Variants in CPEB3 observed in about 807,000 individuals in gnomAD.
CPEB3 encodes the protein cytoplasmic polyadenylation element binding protein 3, also known as cytoplasmic polyadenylation element-binding protein 3.
A neutral mutation model predicts 67.2 loss-of-function variants in CPEB3; 20 were observed. The ratio of observed to expected loss-of-function variants is 0.30; its 90% confidence interval spans 0.21 to 0.43. The LOEUF (loss-of-function observed/expected upper bound fraction) is 0.43, where lower values mean the gene tolerates loss of function less well. Ranked by LOEUF, CPEB3 falls within the 20% of genes least tolerant of loss-of-function variation. The probability of loss-of-function intolerance (pLI) is 1.00; values close to 1 mark genes in which losing one functional copy is unlikely to be tolerated. For synonymous variants in CPEB3, 376 were observed against 393.1 expected, an observed-to-expected ratio of 0.96 and a Z score of 0.51; for missense variants, 746 against 968.6, an observed-to-expected ratio of 0.77 and a Z score of 3.05.
At chr10:92,073,202 T>C (rs548248067) in intron 9 of CPEB3, among the ~76,000 whole-genome samples, 2 of 152,042 alleles carry the variant, frequency 1.3e-5, no homozygotes, top group African/African-American at 4.8e-5. Context: ...TATGCACTGC[T>C]AATTTTTTTT....
chr10:92,195,046 A>AACACACAC (rs371911549), intron 2 of CPEB3, among the ~76,000 whole-genome samples: 1,378 of 117,120 alleles, frequency 0.012, 28 homozygotes, highest in East Asian at 0.044. Context: ...TGTCTCAAAA[A>AACACACAC]ACACACACAC....
Position 92,289,619 on chromosome 10 carries a change from T to A in CPEB3, c.-12+1307A>T, listed in dbSNP as rs76828556. On this transcript the variant is annotated intron_variant, in intron 1 of 9. Transcript: ENST00000265997. ...CACTGGTCACATGCGGTGACTCACA[T>A]CTGTAATCCCAACACTTTGGGAGAC... 5.4e-3 allele frequency among the ~76,000 whole-genome samples: 790 copies of A among 147,486 alleles called. 8 individuals are homozygous for A. The highest frequency in any genetic ancestry group is 0.019 in the African/African-American group (750 of 39,716).
At chr10:92,287,350 G>A (rs938967851) in intron 1 of CPEB3, among the ~76,000 whole-genome samples, 1 of 151,910 alleles carries the variant, frequency 6.6e-6, no homozygotes, top group African/African-American at 2.4e-5. Flanking sequence ...GTCAGATTAA[G>A]GTCTTAATAA....
intron 3 of CPEB3, 107 bp downstream of exon 3, chr10:92,192,370 A>G: frequency 8.7e-7 from 1 of 1,155,104 alleles, no homozygotes; most frequent in East Asian, 2.5e-5. Context: ...TACAGAAGCA[A>G]AACAAAAACA....
intron 4 of CPEB3, among the ~76,000 whole-genome samples, chr10:92,167,446 T>C (rs997062109): frequency 6.6e-6 from 1 of 152,156 alleles, no homozygotes; most frequent in Non-Finnish European, 1.5e-5. Flanking sequence ...CATTTTAGGA[T>C]TATTAATTGA....
At chr10:92,196,639 G>A (rs995521250) in intron 2 of CPEB3, among the ~76,000 whole-genome samples, 67 of 152,072 alleles carry the variant, frequency 4.4e-4, no homozygotes, top group South Asian at 4.1e-4. Context: ...ATGGTGACAC[G>A]CGCCTGTAGT....
intron 7 of CPEB3, among the ~76,000 whole-genome samples, chr10:92,102,564 T>C (rs1828863692): frequency 1.3e-5 from 2 of 152,212 alleles, no homozygotes; most frequent in Admixed American, 1.3e-4. Flanking sequence ...TTTGGGAACT[T>C]CAGTTACTGA....
chr10:92,128,549 G>C (rs982097620), intron 6 of CPEB3, among the ~76,000 whole-genome samples: 1 of 152,120 alleles, frequency 6.6e-6, no homozygotes, highest in African/African-American at 2.4e-5. Context: ...ACTATCAAAA[G>C]AGTGAACAGA....
rs1848617866 is a variant in CPEB3 at position 92,184,868 on chromosome 10, T to G, written c.1166-3849A>C. 8.5e-5 allele frequency among the ~76,000 whole-genome samples: 13 copies of G among 152,314 alleles called. No homozygotes were observed. The South Asian group carries it at 2.7e-3, about 32-fold the overall frequency. On this transcript the variant is annotated intron_variant, in intron 3 of 9. Coordinates refer to ENST00000265997, the MANE Select transcript of CPEB3 (RefSeq NM_014912.5). ...TCACCAAGGATAAGCACTGTTAACA[T>G]TTTGATTTACAGTTTTCCACGTTAG...
chr10:92,137,673 A>T, intron 6 of CPEB3: 1 of 517,084 alleles, frequency 1.9e-6, no homozygotes, highest in South Asian at 2.2e-5. Context: ...TTGTCACCCT[A>T]GGCAGTCATC....
intron 1 of CPEB3, among the ~76,000 whole-genome samples, chr10:92,258,957 CCTTT>C (rs1261335323): frequency 3.3e-5 from 5 of 150,896 alleles, no homozygotes; most frequent in South Asian, 2.1e-4. Flanking sequence ...CACGCCTGGC[CCTTT>C]CTTTCTTTCT....
chr10:92,077,779 A>C (rs148928517), intron 9 of CPEB3, among the ~76,000 whole-genome samples: 2 of 141,932 alleles, frequency 1.4e-5, no homozygotes, highest in East Asian at 4.6e-4. Context: ...ATGGGAGGAG[A>C]AGGGAGGGGA....
chr10:92,211,843 C>G (rs1564871932), intron 2 of CPEB3, among the ~76,000 whole-genome samples: 1 of 151,260 alleles, frequency 6.6e-6, no homozygotes, highest in African/African-American at 2.4e-5. Flanking sequence ...GCGCCCAGCT[C>G]AAACATATAT....
At chr10:92,053,524 C>T (rs12779904) in intron 9 of CPEB3, among the ~76,000 whole-genome samples, 230 of 143,638 alleles carry the variant, frequency 1.6e-3, no homozygotes, top group Non-Finnish European at 2.6e-3. Context: ...CCACCACGCT[C>T]GGCTAATTTT....
At chr10:92,067,917 ATTAATT>A (rs1842618238) in intron 9 of CPEB3, among the ~76,000 whole-genome samples, 1 of 152,238 alleles carries the variant, frequency 6.6e-6, no homozygotes. Context: ...ACCCACAGTT[ATTAATT>A]TTAGAAGCAA....
intron 3 of CPEB3, among the ~76,000 whole-genome samples, chr10:92,188,516 T>G (rs1437489692): frequency 6.6e-6 from 1 of 151,952 alleles, no homozygotes; most frequent in East Asian, 1.9e-4. Context: ...GGTCAGGAGT[T>G]CGAGACCAGC....
At chr10:92,213,012 G>T (rs1349215009) in intron 2 of CPEB3, among the ~76,000 whole-genome samples, 2 of 152,032 alleles carry the variant, frequency 1.3e-5, no homozygotes, top group African/African-American at 4.8e-5. Flanking sequence ...TATTTCTTTG[G>T]ACAGCACTGC....
At chr10:92,093,784 G>A (rs1041016569) in intron 7 of CPEB3, among the ~76,000 whole-genome samples, 2 of 152,082 alleles carry the variant, frequency 1.3e-5, no homozygotes, top group East Asian at 1.9e-4. Flanking sequence ...TGATAGGCAC[G>A]AGCCACCGCG....
Position 92,192,754 on chromosome 10 carries a change from A to G in CPEB3, c.1006-118T>C, listed in dbSNP as rs1028661490. The stretch of plus-strand genomic sequence containing the variant: ...AATGAAAGTTACAGAGAGCCCCAAC[A>G]GCATACAGTCCTTCTTTTTATTTGT... On this transcript the variant is annotated intron_variant, in intron 2 of 9. Transcript: ENST00000265997. 3 of 628,648 alleles carry G rather than the reference A, an allele frequency of 4.8e-6. No individual in the cohort carries two copies. The Admixed American group carries it at 9.9e-5, about 21-fold the overall frequency. The allele number at this position is 628,648 out of a possible 1,614,324, so 38.9% of individuals were successfully genotyped here.
Sources: allele counts gnomAD v4.1 joint callset (sites outside exome capture counted in the v4.1 genomes callset), GRCh38; gene constraint gnomAD v4.1.1; transcripts MANE v1.5; gene names NCBI Gene and HGNC (gene_info 2026-07-23, HGNC 2026-07-21).